EVI5: variants seen among roughly 807,000 people sequenced by gnomAD.
The protein encoded by EVI5 is ecotropic viral integration site 5, also known as ecotropic viral integration site 5 protein homolog.
In EVI5, 73 loss-of-function variants were observed where a neutral mutation model predicts 112.0. The observed-to-expected ratio is 0.65, with a 90% confidence interval of 0.54 to 0.79. The LOEUF (loss-of-function observed/expected upper bound fraction) is 0.79, where lower values mean the gene tolerates loss of function less well. EVI5 is among the 30% of genes least tolerant of loss of function. The pLI is 0.00. For synonymous variants in EVI5, 305 were observed against 319.9 expected (o/e 0.95, Z 0.50); for missense variants, 900 against 968.8 (o/e 0.93, Z 0.94).
intron 16 of EVI5, among the ~76,000 whole-genome samples, chr1:92,608,685 C>T (rs1651030124): frequency 1.4e-5 from 2 of 143,460 alleles, no homozygotes; most frequent in Non-Finnish European, 3.0e-5. Flanking sequence ...GCCTGGGTGA[C>T]AAGAAGACTC....
Position 92,616,739 on chromosome 1 carries a change from G to C in EVI5, c.1827+7437C>G, listed in dbSNP as rs200467561. 4.6e-5 allele frequency among the ~76,000 whole-genome samples: 7 copies of C among 152,154 alleles called. No homozygotes were observed. The East Asian group carries it at 1.3e-3, about 29-fold the overall frequency. ...CCTTTTGAGAGACAGCTGTTGGCCT[G>C]TTACTGGACTTTGGTGGAAACTGAA... On this transcript the variant is annotated intron_variant, in intron 16 of 19. Coordinates refer to ENST00000684568, the MANE Select transcript of EVI5 (RefSeq NM_001350197.2).
intron 1 of EVI5, among the ~76,000 whole-genome samples, chr1:92,750,510 A>T (rs1377041838): frequency 6.6e-6 from 1 of 152,070 alleles, no homozygotes; most frequent in Non-Finnish European, 1.5e-5. Flanking sequence ...ACTACACTAT[A>T]CTCTTTAGAC....
chr1:92,595,588 T>C (rs148851939), intron 18 of EVI5, among the ~76,000 whole-genome samples: 1,772 of 152,048 alleles, frequency 0.012, 42 homozygotes, highest in African/African-American at 0.04. Context: ...AGCTGACTTT[T>C]GAAATAAAAA....
intron 19 of EVI5, among the ~76,000 whole-genome samples, chr1:92,539,603 A>G (rs1370899446): frequency 6.6e-6 from 1 of 151,462 alleles, no homozygotes; most frequent in East Asian, 1.9e-4. Flanking sequence ...GCCTATGTTT[A>G]TACATAAAAT....
chr1:92,704,604 A>C lies in EVI5; in HGVS notation c.290T>G (p.Ile97Ser). The C allele has an allele frequency of 3.1e-6, 5 of 1,594,828 alleles. No individual in the cohort carries two copies. Among genetic ancestry groups the C allele is most frequent in the Non-Finnish European group, 8.5e-7 (1 of 1,170,832 alleles). Residue 97 changes from isoleucine (I) to serine (S), a missense_variant, in exon 3 of 20, where the codon ATT becomes AGT. Physicochemically the swap from Ile to Ser is moderately radical, Grantham distance 142. Transcript: ENST00000684568. ...GCGTACATCTTCCCATTCATTAACA[A>C]TTCTTCCCCAAAGAATCCAAGAATC... ...EEDSWILWGRIVNEWEDVRKK... is the reference protein window; with the variant it reads ...EEDSWILWGRSVNEWEDVRKK...
chr1:92,539,413 G>C (rs1664412919), intron 19 of EVI5, among the ~76,000 whole-genome samples: 1 of 151,624 alleles, frequency 6.6e-6, no homozygotes, highest in Admixed American at 6.6e-5. Context: ...TGTAGTGGCG[G>C]GCGCCTGTAG....
At chr1:92,741,761 G>C (rs1042047182) in intron 1 of EVI5, among the ~76,000 whole-genome samples, 2 of 152,066 alleles carry the variant, frequency 1.3e-5, no homozygotes, top group Non-Finnish European at 2.9e-5. Flanking sequence ...TATAAAGTAG[G>C]TAATGTCTCC....
chr1:92,679,320 A>C (rs1483708994), intron 9 of EVI5, among the ~76,000 whole-genome samples: 2 of 152,196 alleles, frequency 1.3e-5, no homozygotes, highest in Non-Finnish European at 2.9e-5. Flanking sequence ...CTGTCTTAAA[A>C]GACTATAAGA....
intron 2 of EVI5, among the ~76,000 whole-genome samples, chr1:92,715,198 G>A (rs1352531314): frequency 1.3e-5 from 2 of 152,166 alleles, no homozygotes; most frequent in East Asian, 3.9e-4. Flanking sequence ...AGTAGAGACA[G>A]GGTTTCACCA....
chr1:92,709,250 C>G (rs1672478051), intron 2 of EVI5, among the ~76,000 whole-genome samples: 2 of 152,206 alleles, frequency 1.3e-5, no homozygotes, highest in South Asian at 4.1e-4. Flanking sequence ...CTTTCTAAGT[C>G]TTAATAGGTA....
intron 1 of EVI5, among the ~76,000 whole-genome samples, chr1:92,748,099 C>G (rs1258431796): frequency 6.6e-6 from 1 of 152,216 alleles, no homozygotes; most frequent in Admixed American, 6.5e-5. Flanking sequence ...AACACGGCCA[C>G]ATTTCCTATC....
chr1:92,563,668 C>A lies in EVI5; in HGVS notation c.2140G>T (p.Asp714Tyr). 1 of 1,599,996 alleles carries A rather than the reference C, an allele frequency of 6.3e-7. No individual in the cohort carries two copies. The highest frequency in any genetic ancestry group is 8.6e-7 in the Non-Finnish European group (1 of 1,169,558). The change falls in exon 19 of 20, where the codon GAT becomes TAT. Residue 714 changes from aspartate to tyrosine, a missense_variant. By Grantham distance (160) the Asp-to-Tyr change is radical. Transcript: ENST00000684568. The part of the protein sequence containing the change: ...DSNQYIGELK[D>Y]QIAELNHELR... ...TCATGATTCAGCTCTGCTATCTGAT[C>A]TTTCAGTTCCCCAATATACTGGTTA...
intron 19 of EVI5, among the ~76,000 whole-genome samples, chr1:92,522,587 C>T (rs573468487): frequency 2.2e-5 from 3 of 135,620 alleles, no homozygotes; most frequent in South Asian, 2.3e-4. Flanking sequence ...GCCGAGATCA[C>T]GCCACAGCAC....
chr1:92,791,746 A>G (rs1418559002), intron 1 of EVI5, among the ~76,000 whole-genome samples: 2 of 150,018 alleles, frequency 1.3e-5, no homozygotes, highest in African/African-American at 4.9e-5. Context: ...TCCCACCTCC[A>G]CCAAAAAAAA....
In EVI5 at chr1:92,510,806, G is replaced by A. The variant is rs1659143201; in HGVS notation, c.*2850C>T. On this transcript the variant is annotated 3_prime_UTR_variant, in exon 20 of 20. Coordinates refer to ENST00000684568, the MANE Select transcript of EVI5 (RefSeq NM_001350197.2). ...ATGTGACACAAAATATCAGTCTTTG[G>A]AATTTTTTTCCCAACTATTTAAAAA... is the stretch of plus-strand genomic sequence containing the variant. The A allele has an allele frequency of 6.6e-6, 1 of 152,164 alleles. No homozygotes were observed. Among genetic ancestry groups the A allele is most frequent in the Non-Finnish European group, 1.5e-5 (1 of 68,038 alleles). 9.4% of individuals were successfully genotyped at this position (152,164 alleles called of 1,614,324 possible).
intron 1 of EVI5, among the ~76,000 whole-genome samples, chr1:92,768,076 T>C (rs1682897658): frequency 2.2e-5 from 1 of 45,642 alleles, no homozygotes; most frequent in South Asian, 1.5e-3. Flanking sequence ...CAAGACCCTA[T>C]CTCAAAAAAA....
At chr1:92,523,441 T>C (rs1460682738) in intron 19 of EVI5, among the ~76,000 whole-genome samples, 1 of 151,988 alleles carries the variant, frequency 6.6e-6, no homozygotes, top group African/African-American at 2.4e-5. Context: ...TATTAATATA[T>C]TTTTTAAAAA....
chr1:92,759,118 G>C (rs945826117), intron 1 of EVI5, among the ~76,000 whole-genome samples: 2 of 152,078 alleles, frequency 1.3e-5, no homozygotes, highest in Non-Finnish European at 2.9e-5. Context: ...AGATACTTAG[G>C]AGGCTGAGGA....
intron 18 of EVI5, among the ~76,000 whole-genome samples, chr1:92,568,849 TAC>T (rs1173657165): frequency 2.0e-5 from 3 of 152,242 alleles, no homozygotes; most frequent in African/African-American, 7.2e-5. Context: ...ATTTTAAGAA[TAC>T]AGTCTATGAT....
Sources: allele counts gnomAD v4.1 joint callset (sites outside exome capture counted in the v4.1 genomes callset), GRCh38; gene constraint gnomAD v4.1.1; transcripts MANE v1.5; gene names NCBI Gene and HGNC (gene_info 2026-07-23, HGNC 2026-07-21).